PDE3B: variants seen among roughly 807,000 people sequenced by gnomAD.
The protein encoded by PDE3B is phosphodiesterase 3B.
Under a neutral mutation model 116.8 loss-of-function variants are expected in PDE3B, and 66 were observed. The observed-to-expected ratio is 0.56, with a 90% CI of 0.46 to 0.69. The LOEUF (loss-of-function observed/expected upper bound fraction) is 0.69. PDE3B is among the 30% of genes least tolerant of loss of function. The pLI is 0.00. For missense variants in PDE3B, 1,384 were observed against 1,368.1 expected, an observed-to-expected ratio of 1.01 and a Z score of -0.18; for synonymous variants, 595 against 533.6, an observed-to-expected ratio of 1.12 and a Z score of -1.59.
chr11:14,828,699 T>C (rs892826598), intron 7 of PDE3B, among the ~76,000 whole-genome samples: 1 of 152,210 alleles, frequency 6.6e-6, no homozygotes, highest in Non-Finnish European at 1.5e-5. Flanking sequence ...GAAACACTTA[T>C]ACACTGTTGG....
chr11:14,756,935 A>C (rs1857202498), intron 1 of PDE3B, among the ~76,000 whole-genome samples: 1 of 141,942 alleles, frequency 7.0e-6, no homozygotes, highest in African/African-American at 2.6e-5. Flanking sequence ...TATATCTCCC[A>C]ATGCTATCCC....
At chr11:14,773,823 ATCTC>A (rs1022425833) in intron 2 of PDE3B, 1 of 152,144 alleles carries the variant, frequency 6.6e-6, no homozygotes, top group African/African-American at 2.4e-5. Flanking sequence ...TACTTGGTTT[ATCTC>A]TCTCTTAGCC....
At chr11:14,727,120 C>T (rs1432868073) in intron 1 of PDE3B, among the ~76,000 whole-genome samples, 1 of 152,028 alleles carries the variant, frequency 6.6e-6, no homozygotes, top group Non-Finnish European at 1.5e-5. Context: ...CATTAGAGTC[C>T]TTGGTAAATG....
the PDE3B span, among the ~76,000 whole-genome samples, chr11:14,885,317 G>A: frequency 6.6e-6 from 1 of 152,102 alleles, no homozygotes; most frequent in Non-Finnish European, 1.5e-5. Flanking sequence ...CATACAGAAT[G>A]CTAGTCCTTT....
chr11:14,773,122 T>G (rs1354044490), intron 2 of PDE3B: 1 of 152,010 alleles, frequency 6.6e-6, no homozygotes, highest in Non-Finnish European at 1.5e-5. Context: ...TAAGGAAGTT[T>G]TATTCTAATT....
intron 1 of PDE3B, among the ~76,000 whole-genome samples, chr11:14,714,178 C>T (rs1456725428): frequency 1.3e-5 from 2 of 151,966 alleles, no homozygotes; most frequent in African/African-American, 4.8e-5. Context: ...CTCTATCATG[C>T]TCCAGTCCAG....
chr11:14,665,874 T>TA (rs1854123847), intron 1 of PDE3B, among the ~76,000 whole-genome samples: 7 of 152,106 alleles, frequency 4.6e-5, no homozygotes, highest in African/African-American at 1.7e-4. Context: ...AATTTATAGA[T>TA]TCAATGCCAT....
intron 2 of PDE3B, among the ~76,000 whole-genome samples, chr11:14,780,171 C>T (rs1178066290): frequency 1.3e-5 from 2 of 152,098 alleles, no homozygotes; most frequent in African/African-American, 2.4e-5. Flanking sequence ...AAAGCAAGTC[C>T]TTAGAGACCT....
chr11:14,814,824 T>C (rs2133946176), intron 5 of PDE3B, among the ~76,000 whole-genome samples: 1 of 152,162 alleles, frequency 6.6e-6, no homozygotes, highest in Middle Eastern at 3.4e-3. Context: ...TAGCTGGGCG[T>C]GGTGGCGGGC....
intron 1 of PDE3B, among the ~76,000 whole-genome samples, chr11:14,672,033 A>ATATATATATACATATATATATG (rs1477550341): frequency 5.6e-5 from 8 of 142,718 alleles, no homozygotes; most frequent in Non-Finnish European, 1.2e-4. Flanking sequence ...AAAAAAATAT[A>ATATATATATACATATATATATG]TATATATATA....
At chr11:14,849,585 T>G (rs1432605931) in intron 12 of PDE3B, among the ~76,000 whole-genome samples, 1 of 152,022 alleles carries the variant, frequency 6.6e-6, no homozygotes, top group Non-Finnish European at 1.5e-5. Flanking sequence ...CGCAACCTAC[T>G]CATCTGACAA....
chr11:14,800,991 T>G (rs1858743465), intron 4 of PDE3B, among the ~76,000 whole-genome samples: 1 of 152,168 alleles, frequency 6.6e-6, no homozygotes. Flanking sequence ...TGCTGTGTTT[T>G]TCAGCTCCAT....
At chr11:14,786,336 T>C in intron 2 of PDE3B, 101 bp from the exon 3 acceptor site, 1 of 791,016 alleles carries the variant, frequency 1.3e-6, no homozygotes, top group Non-Finnish European at 1.9e-6. Context: ...GGTTATTTGC[T>C]ACATATATAT....
chr11:14,756,981 T>G (rs1179899727), intron 1 of PDE3B, among the ~76,000 whole-genome samples: 2 of 121,758 alleles, frequency 1.6e-5, no homozygotes, highest in African/African-American at 6.4e-5. Flanking sequence ...GTCCCCAGAG[T>G]GTGATATTCC....
chr11:14,892,181 C>T, the PDE3B span: 16 of 1,610,528 alleles, frequency 9.9e-6, no homozygotes, highest in Non-Finnish European at 1.3e-5. Flanking sequence ...GCCGCGCCCT[C>T]TTCAGCTCTC....
intron 7 of PDE3B, among the ~76,000 whole-genome samples, chr11:14,828,811 T>C (rs549210864): frequency 2.9e-4 from 44 of 152,344 alleles, no homozygotes; most frequent in African/African-American, 1.0e-3. Context: ...CATTACTGGG[T>C]ATATATCCAA....
chr11:14,898,606 G>C, the PDE3B span, among the ~76,000 whole-genome samples: 1 of 152,096 alleles, frequency 6.6e-6, no homozygotes, highest in Non-Finnish European at 1.5e-5. Flanking sequence ...TGTGGAAGTT[G>C]AGGTCCTGAG....
chr11:14,880,158 C>T, the PDE3B span: 1 of 1,612,590 alleles, frequency 6.2e-7, no homozygotes, highest in Non-Finnish European at 8.5e-7. Context: ...GATAAAGGGC[C>T]ATGAAAAGAA....
At chr11:14,687,403 A>G (rs1318253958) in intron 1 of PDE3B, among the ~76,000 whole-genome samples, 1 of 152,206 alleles carries the variant, frequency 6.6e-6, no homozygotes, top group Non-Finnish European at 1.5e-5. Context: ...TCTAAAGTAT[A>G]TATTATTAAA....
Sources: allele counts gnomAD v4.1 joint callset (sites outside exome capture counted in the v4.1 genomes callset), GRCh38; gene constraint gnomAD v4.1.1; transcripts MANE v1.5; gene names NCBI Gene and HGNC (gene_info 2026-07-23, HGNC 2026-07-21).